Variants in ATG2A observed in about 807,000 individuals in gnomAD.
ATG2A encodes autophagy-related protein 2 homolog A.
Under a neutral mutation model 214.2 loss-of-function variants are expected in ATG2A, and 103 were observed. That is an observed-to-expected ratio of 0.48 (90% CI 0.41 to 0.57). ATG2A has a LOEUF of 0.57. Among genes scored for constraint, ATG2A ranks in the 20% least tolerant of loss-of-function variants. ATG2A has a pLI of 0.00. For missense variants in ATG2A, 2,312 were observed against 2,613.2 expected, an observed-to-expected ratio of 0.88 and a Z score of 2.51; for synonymous variants, 1,160 against 1,142.1, an observed-to-expected ratio of 1.02 and a Z score of -0.32.
At position 64,905,856 on chromosome 11, in the gene ATG2A, G is replaced by C. The variant is rs1218367907; in HGVS notation, c.3265-8C>G. ...GTCTAGGAACTCCAACAACTTCAGA[G>C]GCCAGGGCAGGAGGAAGCAGTGAGG... On this transcript the variant is annotated splice_polypyrimidine_tract_variant and splice_region_variant and intron_variant, in intron 22 of 40. Coordinates refer to ENST00000377264, the MANE Select transcript of ATG2A (RefSeq NM_015104.3). 1 of 1,612,108 alleles carries C rather than the reference G, an allele frequency of 6.2e-7. No homozygotes were observed. Among genetic ancestry groups the C allele is most frequent in the Non-Finnish European group, 8.5e-7 (1 of 1,179,250 alleles).
chr11:64,910,333 G>A (rs963973365), intron 12 of ATG2A, 138 bp from the exon 13 acceptor site: 13 of 1,304,802 alleles, frequency 1.0e-5, no homozygotes, highest in South Asian at 6.0e-5. Context: ...ACCTTTGCCC[G>A]ACGCGCACAA....
rs1366135182 is a variant in ATG2A at position 64,900,631 on chromosome 11, T to C, written c.4329-2A>G. 4 of 1,600,026 alleles carry C rather than the reference T, an allele frequency of 2.5e-6. No homozygotes were observed. Among genetic ancestry groups the C allele is most frequent in the Non-Finnish European group, 2.6e-6 (3 of 1,172,758 alleles). On this transcript the variant is annotated splice_acceptor_variant, in intron 30 of 40. Coordinates refer to ENST00000377264, the MANE Select transcript of ATG2A (RefSeq NM_015104.3). LOFTEE classifies it high-confidence loss of function. ...GGACCTGAGAGGCCAGTTCTTGCCC[T>C]GGGAAGAGGGACAGGGGCCAAGCTG...
chr11:64,903,233 C>T lies in ATG2A; in HGVS notation c.3612+55G>A. On this transcript the variant is annotated intron_variant, in intron 26 of 40. Coordinates refer to ENST00000377264, the MANE Select transcript of ATG2A (RefSeq NM_015104.3). The surrounding 1 kb of genome is among the most constrained non-coding windows in gnomAD (Gnocchi z 4.2). ...AGGGAGCAGCAGCCCCTGAAGACTC[C>T]CTTGGCCCCTGCACCTGCTGTGGCT... is the stretch of plus-strand genomic sequence containing the variant. 2 of 1,554,442 alleles carry T rather than the reference C, an allele frequency of 1.3e-6. No individual in the cohort carries two copies. Among genetic ancestry groups the T allele is most frequent in the Non-Finnish European group, 1.8e-6 (2 of 1,128,258 alleles).
rs777723818 is a variant in ATG2A, at chr11:64,911,165, C to G, written c.1339G>C (p.Gly447Arg). The G allele has an allele frequency of 4.3e-6, 7 of 1,613,994 alleles. No homozygotes were observed. The highest frequency in any genetic ancestry group is 5.9e-6 in the Non-Finnish European group (7 of 1,180,040). Residue 447 changes from glycine to arginine, a missense_variant, in exon 10 of 41, where the codon GGA becomes CGA. Physicochemically the swap from Gly to Arg is moderately radical, Grantham distance 125. Coordinates refer to ENST00000377264, the MANE Select transcript of ATG2A (RefSeq NM_015104.3). The part of the protein sequence containing the change: ...TLLQTSAPSS[G>R]PPDLATHFFT... ...AAGTGCGTGGCGAGGTCAGGTGGTC[C>G]GGAAGATGGGGCAGACGTCTGAAGC...
At position 64,895,551 on chromosome 11, in the gene ATG2A, A is replaced by C; in HGVS notation, c.5428-109T>G. The C allele has an allele frequency of 7.8e-7, 1 of 1,281,786 alleles. No individual in the cohort carries two copies. 79.4% of individuals were successfully genotyped at this position (1,281,786 alleles called of 1,614,324 possible). ...CCAGCCCTCAGCCTCCCTGCCTGTC[A>C]CTGTGCTGGCCTAGGGGGTCCTGCT... On this transcript the variant is annotated intron_variant, in intron 39 of 40. Coordinates refer to ENST00000377264, the MANE Select transcript of ATG2A (RefSeq NM_015104.3). This position sits in a 1 kb window ranked among gnomAD's most constrained non-coding sequence, Gnocchi z 5.0.
In ATG2A at chr11:64,899,359, G is replaced by A. The variant is rs544048386; in HGVS notation, c.4465-517C>T. 1.8e-3 allele frequency among the ~76,000 whole-genome samples: 272 copies of A among 152,182 alleles called. 1 individual carries two copies. Among genetic ancestry groups the A allele is most frequent in the Non-Finnish European group, 3.3e-3 (225 of 68,008 alleles). ...GACTTTGCTCTCGTAGCCCCTCTCC[G>A]TGGAGAGCCTTCCTTCCCCCTCTTC... On this transcript the variant is annotated intron_variant, in intron 31 of 40. Transcript: ENST00000377264.
rs1163168043 is a variant in ATG2A, at chr11:64,910,158, G to A, written c.1745C>T (p.Ser582Leu). ...PRRSVACHCHSELALDLANFQ... is the reference protein window; with the variant it reads ...PRRSVACHCHLELALDLANFQ... Reference sequence around the variant, plus strand: ...GTTGGCCAGGTCCAGGGCCAGTTCTGAGTGGCAATGGCAGGCAACTGAGCG... The same window carrying A: ...GTTGGCCAGGTCCAGGGCCAGTTCTAAGTGGCAATGGCAGGCAACTGAGCG... Residue 582 changes from serine (S) to leucine (L), a missense_variant, in exon 13 of 41, where the codon TCA becomes TTA. By Grantham distance (145) the Ser-to-Leu change is moderately radical. Transcript: ENST00000377264. 1.2e-6 allele frequency: 2 copies of A among 1,610,024 alleles called. No individual in the cohort carries two copies. The highest frequency in any genetic ancestry group is 8.5e-7 in the Non-Finnish European group (1 of 1,178,818).
chr11:64,914,452 C>T lies in ATG2A; in HGVS notation c.220G>A (p.Glu74Lys). Residue 74 changes from glutamate to lysine, a missense_variant, in exon 2 of 41, where the codon GAA becomes AAA. Coordinates refer to ENST00000377264, the MANE Select transcript of ATG2A (RefSeq NM_015104.3). ...ESMESPLELV[E>K]GFVGSIEVAV... is the part of the protein sequence containing the mutation. Reference sequence around the variant, plus strand: ...ACCTCGATGGAGCCCACGAAGCCTTCCACCAGCTCCAGCGGTGACTCCATT... The same window carrying T: ...ACCTCGATGGAGCCCACGAAGCCTTTCACCAGCTCCAGCGGTGACTCCATT... 1 of 1,612,914 alleles carries T rather than the reference C, an allele frequency of 6.2e-7. No individual in the cohort carries two copies. Among genetic ancestry groups the T allele is most frequent in the South Asian group, 1.1e-5 (1 of 90,924 alleles).
intron 24 of ATG2A, among the ~76,000 whole-genome samples, chr11:64,904,340 T>C (rs1944462522): frequency 6.6e-6 from 1 of 151,490 alleles, no homozygotes; most frequent in African/African-American, 2.4e-5. Context: ...AGGTCAGGAG[T>C]TCGAGACCAG....
At position 64,907,134 on chromosome 11, in the gene ATG2A, C is replaced by T. The variant is rs2034848388; in HGVS notation, c.2832+121G>A. ...GGGCAGGCTGGCGTGGGTGGGCTGG[C>T]GCTGCCCACTCAGGCCTCCTGCTCT... On this transcript the variant is annotated intron_variant, in intron 19 of 40. Coordinates refer to ENST00000377264, the MANE Select transcript of ATG2A (RefSeq NM_015104.3). The T allele has an allele frequency of 9.8e-6, 12 of 1,228,926 alleles. 1 individual carries two copies. Among genetic ancestry groups the T allele is most frequent in the Middle Eastern group, 2.9e-4 (1 of 3,486 alleles). 76.1% of individuals were successfully genotyped at this position (1,228,926 alleles called of 1,614,324 possible).
In ATG2A at chr11:64,901,180, T is replaced by G. The variant is rs1944340521; in HGVS notation, c.4120-88A>C. The G allele has an allele frequency of 2.2e-6, 3 of 1,366,458 alleles. No individual in the cohort carries two copies. In the South Asian group the frequency reaches 4.1e-5, roughly 19 times the overall value. 84.6% of individuals were successfully genotyped at this position (1,366,458 alleles called of 1,614,324 possible). A position where few individuals can be genotyped will look rare whatever the true frequency, so the allele number is the denominator to read the frequency against. ...CCAGCAACCTGGCCTCACTTCTTTT[T>G]CATTTTTTTTTTTTTATAGACAGGG... On this transcript the variant is annotated intron_variant, in intron 29 of 40. Transcript: ENST00000377264.
At chr11:64,912,286 CCTCCCAG>C in intron 7 of ATG2A, 34 bp downstream of exon 7, 1 of 1,589,070 alleles carries the variant, frequency 6.3e-7, no homozygotes, top group Non-Finnish European at 8.6e-7. Context: ...GCTGGCTGGC[CCTCCCAG>C]CCACCCCACC....
chr11:64,902,471 C>T (rs1244974151), intron 27 of ATG2A, 45 bp downstream of exon 27: 2 of 1,530,518 alleles, frequency 1.3e-6, no homozygotes, highest in South Asian at 2.4e-5. Context: ...AGGGGAGGGG[C>T]CTGGCCGAGC....
chr11:64,898,075 C>T lies in ATG2A; in HGVS notation c.4858+11G>A, dbSNP rs750679076. On this transcript the variant is annotated intron_variant, in intron 34 of 40. Transcript: ENST00000377264. This position sits in a 1 kb window ranked among gnomAD's most constrained non-coding sequence, Gnocchi z 4.5. ...GGCCCAGACGCTCCCCTCCCTGGCC[C>T]AGCCTCTCACCCTCAGCGGAGGTCT... 1.9e-6 allele frequency: 3 copies of T among 1,613,612 alleles called. No homozygotes were observed. Among genetic ancestry groups the T allele is most frequent in the Admixed American group, 1.7e-5 (1 of 60,008 alleles).
Position 64,898,673 on chromosome 11 carries a change from G to A in ATG2A, c.4634C>T (p.Thr1545Met), listed in dbSNP as rs977945889. ...GGCACGTCGCGGCATCCGCTCACTCGTGTGTAGGTACAGGAACTTGTTGAT... is the reference window on the plus strand; with the variant it reads ...GGCACGTCGCGGCATCCGCTCACTCATGTGTAGGTACAGGAACTTGTTGAT... ...SQINKFLYLH[T>M]SERMPRRAHS... is the part of the protein sequence containing the mutation. The change falls in exon 32 of 41, where the codon ACG becomes ATG. Residue 1545 changes from threonine to methionine, a missense_variant. Thr to Met is a moderately conservative substitution (Grantham distance 81). Coordinates refer to ENST00000377264, the MANE Select transcript of ATG2A (RefSeq NM_015104.3). The surrounding 1 kb of genome is among the most constrained non-coding windows in gnomAD (Gnocchi z 4.5). 8 of 1,613,954 alleles carry A rather than the reference G, an allele frequency of 5.0e-6. No homozygotes were observed. Among genetic ancestry groups the A allele is most frequent in the African/African-American group, 4.0e-5 (3 of 74,924 alleles).
intron 28 of ATG2A, 24 bp downstream of exon 28, chr11:64,902,236 G>C (rs760676531): frequency 6.2e-7 from 1 of 1,613,086 alleles, no homozygotes; most frequent in East Asian, 2.2e-5. Context: ...TGTGTCTGCT[G>C]TCCCCACAGC....
At chr11:64,896,329 TTC>T (rs1171467759) in intron 39 of ATG2A, 131 bp downstream of exon 39, 3 of 1,327,904 alleles carry the variant, frequency 2.3e-6, no homozygotes, top group Non-Finnish European at 3.0e-6. Flanking sequence ...CCGTGGCTGT[TTC>T]TCTATAAAGT....
rs139702714 is a variant in ATG2A, at chr11:64,910,913, G to T, written c.1508C>A (p.Thr503Lys). The change falls in exon 11 of 41, where the codon ACG (threonine) becomes AAG (lysine). Residue 503 changes from threonine to lysine, a missense_variant. Thr to Lys is a moderately conservative substitution (Grantham distance 78, BLOSUM62 -1). Coordinates refer to ENST00000377264, the MANE Select transcript of ATG2A (RefSeq NM_015104.3). ...GGTTGTCCGCCGGCCCCGACTGCCC[G>T]TCCGCAGCTCCCAGGACAGCTGCAC... ...TAVQLSWELR[T>K]GSRGRRTTSM... 6 of 1,612,552 alleles carry T rather than the reference G, an allele frequency of 3.7e-6. No individual in the cohort carries two copies. The African/African-American group carries it at 8.0e-5, about 22-fold the overall frequency.
chr11:64,911,617 T>A (rs1944776762), intron 9 of ATG2A, among the ~76,000 whole-genome samples: 1 of 152,096 alleles, frequency 6.6e-6, no homozygotes, highest in Non-Finnish European at 1.5e-5. Context: ...GGAAGCTGAG[T>A]CTCAGAGAGT....
Sources: gnomAD v4.1 joint callset for allele counts (sites outside exome capture counted in the v4.1 genomes callset) on GRCh38, gnomAD v4.1.1 for gene constraint, Gnocchi (gnomAD v3.1) non-coding constraint, MANE v1.5 for transcripts, NCBI Gene and HGNC (gene_info 2026-07-23, HGNC 2026-07-21) for gene names.